MAPKAPK5: variants seen among roughly 807,000 people sequenced by gnomAD.
MAPKAPK5 encodes the protein MAP kinase-activated protein kinase 5.
MAPKAPK5 carries 30 observed loss-of-function variants against 65.1 expected under a neutral mutation model. The ratio of observed to expected loss-of-function variants is 0.46; its 90% CI spans 0.34 to 0.63. MAPKAPK5 has a LOEUF of 0.63. MAPKAPK5 is among the 20% of genes least tolerant of loss of function. MAPKAPK5 has a pLI of 0.01. For synonymous variants in MAPKAPK5, 179 were observed against 204.6 expected, an observed-to-expected ratio of 0.87 and a Z score of 1.07; for missense variants, 433 against 581.4, an observed-to-expected ratio of 0.74 and a Z score of 2.63.
At chr12:111,880,638 C>G (rs138020572) in intron 8 of MAPKAPK5, 111 bp downstream of exon 8, 2 of 878,692 alleles carry the variant, frequency 2.3e-6, no homozygotes, top group Non-Finnish European at 3.6e-6. Context: ...CCTTAATATT[C>G]CTGCCCCAAA....
rs1185523838 is a variant in MAPKAPK5 at position 111,870,374 on chromosome 12, T to C, written c.483+14T>C. On this transcript the variant is annotated intron_variant, in intron 6 of 13. Coordinates refer to ENST00000550735, the MANE Select transcript of MAPKAPK5 (RefSeq NM_003668.4). ...GATAACTCTTTGGTGAGAAGACTGT[T>C]TTTCTGCATTTTAGTGCTGCAACTC... 1.3e-6 allele frequency: 2 copies of C among 1,596,426 alleles called. No individual in the cohort carries two copies. The highest frequency in any genetic ancestry group is 1.3e-5 in the African/African-American group (1 of 74,770).
rs377697343 is a variant in MAPKAPK5 at position 111,868,883 on chromosome 12, A to G, written c.393+22A>G. ...GCAGGCAAGTTAACCCCAGGTACCA[A>G]TCAAACTGCCACCAAAGTTGGTTAA... On this transcript the variant is annotated intron_variant, in intron 5 of 13. Coordinates refer to ENST00000550735, the MANE Select transcript of MAPKAPK5 (RefSeq NM_003668.4). 1.9e-4 allele frequency: 292 copies of G among 1,521,770 alleles called. No homozygotes were observed. The African/African-American group carries it at 3.6e-3, about 19-fold the overall frequency. 94.3% of individuals were successfully genotyped at this position (1,521,770 alleles called of 1,614,324 possible).
chr12:111,858,559 T>TTC (rs1555268894), intron 1 of MAPKAPK5, among the ~76,000 whole-genome samples: 1 of 150,304 alleles, frequency 6.7e-6, no homozygotes, highest in African/African-American at 2.4e-5. Context: ...TTTTTTTTTT[T>TTC]CCAAAACGGA....
rs1039098043 is a variant in MAPKAPK5 at position 111,896,350 on chromosome 12, C to T, written c.*3289C>T. ...GTGTCCAGACACATCCAAATGAGCA[C>T]CAAGCTGGAAGTTTGTGAACACTCT... On this transcript the variant is annotated 3_prime_UTR_variant, in exon 14 of 14. Coordinates refer to ENST00000550735, the MANE Select transcript of MAPKAPK5 (RefSeq NM_003668.4). The T allele has an allele frequency of 5.3e-5, 8 of 152,066 alleles. No individual in the cohort carries two copies. The highest frequency in any genetic ancestry group is 2.1e-4 in the South Asian group (1 of 4,824). 9.4% of individuals were successfully genotyped at this position (152,066 alleles called of 1,614,324 possible).
intron 12 of MAPKAPK5, 41 bp from the exon 13 acceptor site, chr12:111,889,999 C>T: frequency 1.6e-6 from 2 of 1,280,202 alleles, no homozygotes; most frequent in Non-Finnish European, 2.2e-6. Context: ...CCCCATGATG[C>T]TGCAGGAAAA....
intron 13 of MAPKAPK5, among the ~76,000 whole-genome samples, chr12:111,891,073 T>C (rs899282895): frequency 3.3e-5 from 5 of 151,978 alleles, no homozygotes; most frequent in Non-Finnish European, 5.9e-5. Flanking sequence ...GTTTCCGCGT[T>C]TTTTTGTTGT....
intron 1 of MAPKAPK5, among the ~76,000 whole-genome samples, chr12:111,863,525 A>G (rs2069509943): frequency 6.6e-6 from 1 of 152,080 alleles, no homozygotes; most frequent in Non-Finnish European, 1.5e-5. Context: ...ATTCCTGTAT[A>G]CTAGCGAGCG....
chr12:111,845,584 T>C (rs1188738385), intron 1 of MAPKAPK5, among the ~76,000 whole-genome samples: 1 of 152,148 alleles, frequency 6.6e-6, no homozygotes, highest in Non-Finnish European at 1.5e-5. Flanking sequence ...GTTTGTTTGT[T>C]AGTTTTTGAG....
Position 111,902,182 on chromosome 12 carries a change from T to C in MAPKAPK5, c.*9121T>C, listed in dbSNP as rs1395978770. On this transcript the variant is annotated 3_prime_UTR_variant, in exon 14 of 14. Coordinates refer to ENST00000550735, the MANE Select transcript of MAPKAPK5 (RefSeq NM_003668.4). ...TGTGCATTCATCAAAGGAGAAGTTT[T>C]TAAATCCAAAAACAAATAAAACCCG... 1 of 152,204 alleles carries C rather than the reference T, an allele frequency of 6.6e-6. No homozygotes were observed. The highest frequency in any genetic ancestry group is 2.4e-5 in the African/African-American group (1 of 41,446). 9.4% of individuals were successfully genotyped at this position (152,204 alleles called of 1,614,324 possible).
chr12:111,853,972 G>A (rs192093787), intron 1 of MAPKAPK5, among the ~76,000 whole-genome samples: 2 of 152,078 alleles, frequency 1.3e-5, no homozygotes, highest in African/African-American at 4.8e-5. Flanking sequence ...CAGATATTAA[G>A]CCAATCTTGC....
intron 7 of MAPKAPK5, among the ~76,000 whole-genome samples, chr12:111,874,004 TAAAA>T (rs1202317588): frequency 1.1e-4 from 17 of 152,206 alleles, no homozygotes; most frequent in Admixed American, 1.1e-3. Context: ...TTAATTTTCC[TAAAA>T]AATGTTTATG....
Position 111,901,609 on chromosome 12 carries a change from A to G in MAPKAPK5, c.*8548A>G, listed in dbSNP as rs1009916471. Reference sequence around the variant, plus strand: ...CACCACCGGCCCCAGAAATAAAGCCAGAAGCAGCAGAAGTGGCCACAGAAG... The same window carrying G: ...CACCACCGGCCCCAGAAATAAAGCCGGAAGCAGCAGAAGTGGCCACAGAAG... On this transcript the variant is annotated 3_prime_UTR_variant, in exon 14 of 14. Coordinates refer to ENST00000550735, the MANE Select transcript of MAPKAPK5 (RefSeq NM_003668.4). 3.4e-6 allele frequency: 1 copy of G among 294,490 alleles called. No homozygotes were observed. The highest frequency in any genetic ancestry group is 6.7e-6 in the Non-Finnish European group (1 of 150,184). 18.2% of individuals were successfully genotyped at this position (294,490 alleles called of 1,614,324 possible).
At chr12:111,879,557 T>C (rs1355415514) in intron 7 of MAPKAPK5, 2 of 152,044 alleles carry the variant, frequency 1.3e-5, no homozygotes, top group Non-Finnish European at 2.9e-5. Context: ...GCCCGTCTAA[T>C]TTTTGTATTT....
intron 7 of MAPKAPK5, chr12:111,880,080 T>TA: frequency 6.9e-6 from 2 of 288,310 alleles, no homozygotes; most frequent in Non-Finnish European, 6.8e-6. Context: ...ATGACTGTCA[T>TA]AGTCCCTGAT....
chr12:111,865,345 CT>C, intron 2 of MAPKAPK5, 22 bp downstream of exon 2: 1 of 1,548,858 alleles, frequency 6.5e-7, no homozygotes, highest in Non-Finnish European at 8.8e-7. Flanking sequence ...ATATGAGAAA[CT>C]ATGGCAAATT....
chr12:111,842,977 C>G, intron 1 of MAPKAPK5: 1 of 414,850 alleles, frequency 2.4e-6, no homozygotes, highest in Non-Finnish European at 4.3e-6. Flanking sequence ...CCGCCAGCTT[C>G]CCTGGTGAGT....
At position 111,894,943 on chromosome 12, in the gene MAPKAPK5, T is replaced by C. The variant is rs1003154987; in HGVS notation, c.*1882T>C. Reference sequence around the variant, plus strand: ...CAAAATTGATCTCACCAGCAACTTATTTTCTAACTCCTCCACTGTGCTGAG... The same window carrying C: ...CAAAATTGATCTCACCAGCAACTTACTTTCTAACTCCTCCACTGTGCTGAG... On this transcript the variant is annotated 3_prime_UTR_variant, in exon 14 of 14. Coordinates refer to ENST00000550735, the MANE Select transcript of MAPKAPK5 (RefSeq NM_003668.4). The C allele has an allele frequency of 1.3e-5, 2 of 152,104 alleles. No homozygotes were observed. The highest frequency in any genetic ancestry group is 4.8e-5 in the African/African-American group (2 of 41,402). The allele number at this position is 152,104 out of a possible 1,614,324, so 9.4% of individuals were successfully genotyped here.
At chr12:111,864,680 C>T (rs1050723198) in intron 1 of MAPKAPK5, among the ~76,000 whole-genome samples, 5 of 152,112 alleles carry the variant, frequency 3.3e-5, no homozygotes, top group Non-Finnish European at 5.9e-5. Flanking sequence ...AATATACTTA[C>T]ATAATGAAAT....
intron 13 of MAPKAPK5, among the ~76,000 whole-genome samples, chr12:111,892,474 C>T (rs2070646976): frequency 6.6e-6 from 1 of 152,108 alleles, no homozygotes; most frequent in Non-Finnish European, 1.5e-5. Context: ...TCTTCGTTAT[C>T]CTGGTTAGTT....
Sources: allele counts gnomAD v4.1 joint callset (sites outside exome capture counted in the v4.1 genomes callset), GRCh38; gene constraint gnomAD v4.1.1; transcripts MANE v1.5; gene names NCBI Gene and HGNC (gene_info 2026-07-23, HGNC 2026-07-21).